Variants in LRIG1 observed in about 807,000 individuals in gnomAD.
LRIG1 encodes the protein leucine-rich repeats and immunoglobulin-like domains protein 1.
LRIG1 carries 48 observed loss-of-function variants against 99.2 expected under a neutral mutation model. That is an observed-to-expected ratio of 0.48 (90% confidence interval 0.38 to 0.62). The LOEUF (loss-of-function observed/expected upper bound fraction) is 0.62, where lower values mean the gene tolerates loss of function less well. Among genes scored for constraint, LRIG1 ranks in the 20% least tolerant of loss-of-function variants. The probability of loss-of-function intolerance (pLI) is 0.00; values close to 1 mark genes in which losing one functional copy is unlikely to be tolerated. For synonymous variants in LRIG1, 772 were observed against 596.1 expected (o/e 1.29, Z -4.30); for missense variants, 1,646 against 1,434.4 (o/e 1.15, Z -2.38).
chr3:66,479,339 C>G (rs942542381), intron 1 of LRIG1, among the ~76,000 whole-genome samples: 2 of 152,242 alleles, frequency 1.3e-5, no homozygotes, highest in Non-Finnish European at 2.9e-5. Context: ...ATAAGCTCCC[C>G]TAGAGCGTCT....
chr3:66,419,041 G>T (rs1446122909), intron 3 of LRIG1, among the ~76,000 whole-genome samples: 1 of 152,178 alleles, frequency 6.6e-6, no homozygotes, highest in East Asian at 1.9e-4. Context: ...TAAAGTATGG[G>T]AAGAAAAGAA....
At chr3:66,494,957 G>A (rs1701194671) in intron 1 of LRIG1, among the ~76,000 whole-genome samples, 1 of 152,172 alleles carries the variant, frequency 6.6e-6, no homozygotes, top group Non-Finnish European at 1.5e-5. Context: ...AATTCTTTGA[G>A]CAAAACATAA....
intron 3 of LRIG1, among the ~76,000 whole-genome samples, chr3:66,424,270 C>T (rs891598385): frequency 1.3e-5 from 2 of 151,998 alleles, no homozygotes; most frequent in African/African-American, 4.8e-5. Flanking sequence ...ACTGAGGCCA[C>T]GTCCCTGACC....
At chr3:66,490,376 A>C (rs1701075239) in intron 1 of LRIG1, among the ~76,000 whole-genome samples, 1 of 152,186 alleles carries the variant, frequency 6.6e-6, no homozygotes. Flanking sequence ...GGAAGCAACG[A>C]GCTCTTCTGA....
rs372333079 is a variant in LRIG1 at position 66,380,632 on chromosome 3, G to A, written c.3000C>T (p.His1000=). The A allele has an allele frequency of 2.5e-5, 40 of 1,614,012 alleles. No individual in the cohort carries two copies. The highest frequency in any genetic ancestry group is 2.7e-5 in the Non-Finnish European group (32 of 1,180,026). Residue 1000 remains histidine, a synonymous_variant, in exon 18 of 19, where the codon CAC becomes CAT. Transcript: ENST00000273261. The part of the protein sequence containing the change: ...ECQGSLYPSN[H]DRMLTAVKKK... ...TCTTCACAGCCGTCAGCATTCTATC[G>A]TGGTTACTGGGGTAGAGCGACCCTT...
At chr3:66,477,642 G>T (rs1042082932) in intron 1 of LRIG1, among the ~76,000 whole-genome samples, 1 of 152,092 alleles carries the variant, frequency 6.6e-6, no homozygotes, top group Non-Finnish European at 1.5e-5. Context: ...CAAAAAGGAG[G>T]GCCCAATCCC....
chr3:66,446,085 G>A (rs1486331250), intron 3 of LRIG1, among the ~76,000 whole-genome samples: 4 of 152,158 alleles, frequency 2.6e-5, no homozygotes, highest in African/African-American at 7.2e-5. Context: ...TTGCATTAAC[G>A]AGCCTGTAAA....
At chr3:66,399,793 A>T (rs1208350223) in intron 9 of LRIG1, among the ~76,000 whole-genome samples, 2 of 152,194 alleles carry the variant, frequency 1.3e-5, no homozygotes, top group Non-Finnish European at 2.9e-5. Flanking sequence ...AAAAACCCCC[A>T]AACTGCCACC....
Position 66,412,014 on chromosome 3 carries a change from T to C in LRIG1, c.791+857A>G, listed in dbSNP as rs529734686. 5.9e-5 allele frequency among the ~76,000 whole-genome samples: 9 copies of C among 152,374 alleles called. No individual in the cohort carries two copies. In the East Asian group the frequency reaches 1.5e-3, roughly 26 times the overall value. On this transcript the variant is annotated intron_variant, in intron 6 of 18. Transcript: ENST00000273261. ...GATTTTATTTAACTATACAGTCAAATTACTTTTGATTAAAAATAAATATTA... is the reference window on the plus strand; with the variant it reads ...GATTTTATTTAACTATACAGTCAAACTACTTTTGATTAAAAATAAATATTA...
Position 66,379,944 on chromosome 3 carries a change from A to G in LRIG1, c.*319T>C, listed in dbSNP as rs1700932297. 5.4e-6 allele frequency: 1 copy of G among 186,084 alleles called. No homozygotes were observed. Among genetic ancestry groups the G allele is most frequent in the Admixed American group, 5.7e-5 (1 of 17,518 alleles). 11.5% of individuals were successfully genotyped at this position (186,084 alleles called of 1,614,324 possible). A position where few individuals can be genotyped will look rare whatever the true frequency, so the allele number is the denominator to read the frequency against. On this transcript the variant is annotated 3_prime_UTR_variant, in exon 19 of 19. Coordinates refer to ENST00000273261, the MANE Select transcript of LRIG1 (RefSeq NM_015541.3). ...AAAATTAAACAGCAACCTGATACGA[A>G]AAATAATATTGTCAAAATTGTATAA...
chr3:66,490,990 A>AT (rs1297082733), intron 1 of LRIG1, among the ~76,000 whole-genome samples: 1 of 152,250 alleles, frequency 6.6e-6, no homozygotes, highest in African/African-American at 2.4e-5. Context: ...AGGAGAAATT[A>AT]AACTATGGAC....
At chr3:66,500,155 CG>C in intron 1 of LRIG1, 34 bp downstream of exon 1, 1 of 1,481,958 alleles carries the variant, frequency 6.7e-7, no homozygotes, top group East Asian at 2.7e-5. Context: ...GACAGAGCCC[CG>C]GGGCGCAGAG....
intron 3 of LRIG1, among the ~76,000 whole-genome samples, chr3:66,441,752 G>A (rs1314524264): frequency 1.3e-5 from 2 of 152,214 alleles, no homozygotes; most frequent in East Asian, 3.9e-4. Context: ...CACTTAAAAT[G>A]ACAAGACCCT....
At chr3:66,437,549 T>C (rs540113958) in intron 3 of LRIG1, among the ~76,000 whole-genome samples, 2 of 152,128 alleles carry the variant, frequency 1.3e-5, no homozygotes, top group Non-Finnish European at 2.9e-5. Flanking sequence ...ACTTCTACTA[T>C]AACGTGCCCA....
At chr3:66,415,789 TAAAAA>T (rs1029340724) in intron 4 of LRIG1, among the ~76,000 whole-genome samples, 14 of 152,066 alleles carry the variant, frequency 9.2e-5, no homozygotes, top group African/African-American at 2.4e-4. Context: ...TATCAAGTAA[TAAAAA>T]AGAAAAGAAA....
At chr3:66,478,705 A>G (rs1410937048) in intron 1 of LRIG1, among the ~76,000 whole-genome samples, 1 of 152,096 alleles carries the variant, frequency 6.6e-6, no homozygotes, top group Non-Finnish European at 1.5e-5. Flanking sequence ...TCCCTAACTC[A>G]TGGATCTCCA....
At chr3:66,492,439 AAAG>A (rs1228502149) in intron 1 of LRIG1, among the ~76,000 whole-genome samples, 1 of 152,036 alleles carries the variant, frequency 6.6e-6, no homozygotes, top group Non-Finnish European at 1.5e-5. Context: ...CAGCTAAAAA[AAAG>A]AAGAAAAACC....
chr3:66,410,349 G>A lies in LRIG1; in HGVS notation c.792-77C>T, dbSNP rs1446180929. 14 of 1,410,132 alleles carry A rather than the reference G, an allele frequency of 9.9e-6. No homozygotes were observed. The East Asian group carries it at 1.1e-4, about 12-fold the overall frequency. The allele number at this position is 1,410,132 out of a possible 1,614,324, so 87.4% of individuals were successfully genotyped here. A position where few individuals can be genotyped will look rare whatever the true frequency, so the allele number is the denominator to read the frequency against. On this transcript the variant is annotated intron_variant, in intron 6 of 18. Transcript: ENST00000273261. ...GGACAGACAGCAAATGAGCAGCCAC[G>A]CTGTACCTGACACTGCGGTCACACC... is the stretch of plus-strand genomic sequence containing the variant.
intron 1 of LRIG1, among the ~76,000 whole-genome samples, chr3:66,471,021 C>T (rs964371397): frequency 3.9e-5 from 6 of 152,072 alleles, no homozygotes; most frequent in East Asian, 1.9e-4. Flanking sequence ...TAAGAAGAGG[C>T]GCTCCAACAC....
Sources: gnomAD v4.1 joint callset for allele counts (sites outside exome capture counted in the v4.1 genomes callset) on GRCh38, gnomAD v4.1.1 for gene constraint, MANE v1.5 for transcripts, NCBI Gene and HGNC (gene_info 2026-07-23, HGNC 2026-07-21) for gene names.